Variants in LRRTM4 observed in about 807,000 individuals in gnomAD.
LRRTM4 encodes leucine-rich repeat transmembrane neuronal protein 4.
LRRTM4 carries 25 observed loss-of-function variants against 47.6 expected under a neutral mutation model. That is an observed-to-expected ratio of 0.53 (90% CI 0.38 to 0.73). LRRTM4 has a LOEUF of 0.73. Among genes scored for constraint, LRRTM4 ranks in the 30% least tolerant of loss-of-function variants. The pLI, the probability that LRRTM4 is intolerant of heterozygous loss-of-function variation, is 0.00. For missense variants in LRRTM4, 638 were observed against 713.4 expected (o/e 0.89, Z 1.20); for synonymous variants, 311 against 269.5 (o/e 1.15, Z -1.51).
At chr2:77,344,953 T>C (rs1354592) in intron 3 of LRRTM4, among the ~76,000 whole-genome samples, 76,460 of 151,226 alleles carry the variant, frequency 0.51, 22,722 homozygotes, top group Non-Finnish European at 0.67. Context: ...CAATTCTTTC[T>C]AGACTTGAAT....
At chr2:76,924,854 G>A (rs759747993) in intron 3 of LRRTM4, among the ~76,000 whole-genome samples, 13 of 152,014 alleles carry the variant, frequency 8.6e-5, no homozygotes, top group Non-Finnish European at 1.8e-4. Context: ...CATACATTGT[G>A]TTAAAACTTT....
At chr2:76,858,118 G>C (rs977897139) in intron 3 of LRRTM4, among the ~76,000 whole-genome samples, 4 of 152,122 alleles carry the variant, frequency 2.6e-5, no homozygotes, top group Non-Finnish European at 5.9e-5. Context: ...CAACTTGACT[G>C]AGTCACAGGA....
intron 3 of LRRTM4, among the ~76,000 whole-genome samples, chr2:77,417,692 T>A (rs1194427297): frequency 6.8e-6 from 1 of 146,678 alleles, no homozygotes; most frequent in Non-Finnish European, 1.5e-5. Flanking sequence ...ATATTCCCAC[T>A]CATAGGTGGG....
intron 3 of LRRTM4, among the ~76,000 whole-genome samples, chr2:77,457,056 A>G (rs1310605669): frequency 6.4e-4 from 56 of 86,862 alleles, no homozygotes; most frequent in African/African-American, 2.2e-3. Context: ...ATATATGTAT[A>G]ACCTGGAACT....
intron 3 of LRRTM4, among the ~76,000 whole-genome samples, chr2:77,391,012 T>C (rs993474625): frequency 2.6e-5 from 4 of 151,932 alleles, no homozygotes; most frequent in Non-Finnish European, 5.9e-5. Flanking sequence ...CTTCAGACAA[T>C]GAAAAGGAGC....
chr2:77,317,631 A>G (rs1201347148), intron 3 of LRRTM4, among the ~76,000 whole-genome samples: 2 of 152,232 alleles, frequency 1.3e-5, no homozygotes, highest in African/African-American at 4.8e-5. Context: ...ATTAGATGAC[A>G]GTATTTGATG....
chr2:77,413,843 T>C lies in LRRTM4; in HGVS notation c.1551+104475A>G, dbSNP rs988582710. Reference sequence around the variant, plus strand: ...ACATTGATATTTCTGTCTAGTTTTATACACACACACACACACACACACACA... The same window carrying C: ...ACATTGATATTTCTGTCTAGTTTTACACACACACACACACACACACACACA... On this transcript the variant is annotated intron_variant, in intron 3 of 3. Coordinates refer to ENST00000409884, the MANE Select transcript of LRRTM4 (RefSeq NM_001134745.3). Among the ~76,000 whole-genome samples, 6 of 150,252 alleles carry C rather than the reference T, an allele frequency of 4.0e-5. No individual in the cohort carries two copies. The East Asian group carries it at 9.8e-4, about 25-fold the overall frequency.
intron 3 of LRRTM4, among the ~76,000 whole-genome samples, chr2:77,224,974 A>G (rs1390324406): frequency 6.6e-6 from 1 of 152,086 alleles, no homozygotes; most frequent in Non-Finnish European, 1.5e-5. Flanking sequence ...CAAATGTCCA[A>G]CAATGATAGA....
At chr2:76,903,984 G>T (rs546569347) in intron 3 of LRRTM4, among the ~76,000 whole-genome samples, 1 of 152,196 alleles carries the variant, frequency 6.6e-6, no homozygotes, top group Non-Finnish European at 1.5e-5. Flanking sequence ...TTCTTCAACT[G>T]TAGGAATCCA....
At chr2:76,970,313 T>G (rs1442390854) in intron 3 of LRRTM4, among the ~76,000 whole-genome samples, 1 of 152,002 alleles carries the variant, frequency 6.6e-6, no homozygotes, top group Non-Finnish European at 1.5e-5. Context: ...GTGATGTATT[T>G]CATATTGATC....
intron 3 of LRRTM4, among the ~76,000 whole-genome samples, chr2:77,462,324 T>C (rs1056150438): frequency 6.6e-6 from 1 of 152,120 alleles, no homozygotes; most frequent in Non-Finnish European, 1.5e-5. Flanking sequence ...GAATTATTAT[T>C]GTTGCTAACG....
intron 3 of LRRTM4, among the ~76,000 whole-genome samples, chr2:77,223,564 AACAG>A (rs1473066886): frequency 3.3e-5 from 5 of 152,206 alleles, no homozygotes; most frequent in Admixed American, 3.3e-4. Flanking sequence ...ATACAACAAT[AACAG>A]ACAAACAGAG....
At chr2:77,095,508 C>CTTTTTTT (rs373406392) in intron 3 of LRRTM4, among the ~76,000 whole-genome samples, 1 of 144,010 alleles carries the variant, frequency 6.9e-6, no homozygotes. Flanking sequence ...CATATGCAAA[C>CTTTTTTT]TTTTTTTTTT....
intron 3 of LRRTM4, among the ~76,000 whole-genome samples, chr2:77,273,782 C>G (rs958532972): frequency 2.0e-5 from 3 of 152,092 alleles, no homozygotes; most frequent in African/African-American, 7.2e-5. Flanking sequence ...GAAACAGACA[C>G]AACTAGTAAG....
At chr2:77,412,293 A>T (rs1268001588) in intron 3 of LRRTM4, among the ~76,000 whole-genome samples, 4 of 152,208 alleles carry the variant, frequency 2.6e-5, no homozygotes, top group African/African-American at 9.7e-5. Context: ...AAATAAATAA[A>T]CTTATTTCTG....
intron 3 of LRRTM4, among the ~76,000 whole-genome samples, chr2:77,078,652 T>A (rs1680429252): frequency 6.6e-6 from 1 of 152,176 alleles, no homozygotes; most frequent in South Asian, 2.1e-4. Context: ...TTGACAAAAA[T>A]CTGTCATCAT....
At chr2:76,876,358 A>ATT (rs2104080619) in intron 3 of LRRTM4, among the ~76,000 whole-genome samples, 1 of 152,296 alleles carries the variant, frequency 6.6e-6, no homozygotes, top group African/African-American at 2.4e-5. Flanking sequence ...CTGCATGAAG[A>ATT]TTAGAAAATT....
intron 3 of LRRTM4, among the ~76,000 whole-genome samples, chr2:76,922,804 T>C (rs914355579): frequency 6.6e-6 from 1 of 152,076 alleles, no homozygotes; most frequent in East Asian, 1.9e-4. Flanking sequence ...CCAACATATA[T>C]TGCAGCCATG....
At chr2:77,072,209 C>A (rs927571772) in intron 3 of LRRTM4, among the ~76,000 whole-genome samples, 1 of 152,024 alleles carries the variant, frequency 6.6e-6, no homozygotes, top group Non-Finnish European at 1.5e-5. Flanking sequence ...CTCCAGTTGG[C>A]ACCATAAAAA....
Sources: allele counts gnomAD v4.1 joint callset (sites outside exome capture counted in the v4.1 genomes callset), GRCh38; gene constraint gnomAD v4.1.1; transcripts MANE v1.5; gene names NCBI Gene and HGNC (gene_info 2026-07-23, HGNC 2026-07-21).